Variants in NUFIP1 observed in about 807,000 individuals in gnomAD.
NUFIP1 encodes FMR1-interacting protein NUFIP1.
Under a neutral mutation model 56.2 loss-of-function variants are expected in NUFIP1, and 38 were observed. The ratio of observed to expected loss-of-function variants is 0.68; its 90% CI spans 0.52 to 0.89. The LOEUF is 0.89. NUFIP1 is among the 40% of genes least tolerant of loss of function. The pLI is 0.00. For synonymous variants in NUFIP1, 215 were observed against 212.4 expected (o/e 1.01, Z -0.10); for missense variants, 567 against 605.8 (o/e 0.94, Z 0.67).
At chr13:44,959,650 T>C in intron 6 of NUFIP1, 76 bp from the exon 7 acceptor site, 3 of 1,216,064 alleles carry the variant, frequency 2.5e-6, no homozygotes, top group Non-Finnish European at 3.5e-6. Flanking sequence ...GACTACTAGA[T>C]ACAAAAGAAA....
chr13:44,978,633 G>A (rs1371340332), intron 5 of NUFIP1, among the ~76,000 whole-genome samples: 2 of 152,092 alleles, frequency 1.3e-5, no homozygotes, highest in African/African-American at 4.8e-5. Flanking sequence ...TCATAGGAAT[G>A]AATTCCTGAT....
intron 9 of NUFIP1, among the ~76,000 whole-genome samples, chr13:44,942,323 G>A (rs1426448760): frequency 6.6e-6 from 1 of 152,106 alleles, no homozygotes; most frequent in East Asian, 1.9e-4. Context: ...TTGCCAAAAA[G>A]GAATTTATTT....
intron 3 of NUFIP1, 132 bp downstream of exon 3, chr13:44,980,590 G>A (rs1429588929): frequency 2.9e-6 from 2 of 679,870 alleles, no homozygotes; most frequent in Non-Finnish European, 4.9e-6. Flanking sequence ...GCCCCTATCT[G>A]TCAAGTTGTC....
intron 4 of NUFIP1, 63 bp from the exon 5 acceptor site, chr13:44,979,329 G>A (rs1407646636): frequency 7.4e-7 from 1 of 1,344,042 alleles, no homozygotes; most frequent in East Asian, 2.3e-5. Flanking sequence ...CTAACTTGGA[G>A]ACTTTGTTTC....
At chr13:44,977,943 G>T (rs144541429) in intron 5 of NUFIP1, among the ~76,000 whole-genome samples, 78 of 152,228 alleles carry the variant, frequency 5.1e-4, no homozygotes, top group Middle Eastern at 3.4e-3. Context: ...CAGCTACTTG[G>T]GAGACTGAGG....
chr13:44,986,027 C>T (rs935282639), intron 1 of NUFIP1, among the ~76,000 whole-genome samples: 5 of 152,206 alleles, frequency 3.3e-5, no homozygotes, highest in African/African-American at 9.6e-5. Context: ...GCAGTCATAG[C>T]TCATTGCAGC....
At chr13:44,948,810 C>T (rs978328599) in intron 8 of NUFIP1, among the ~76,000 whole-genome samples, 7 of 152,122 alleles carry the variant, frequency 4.6e-5, no homozygotes, top group African/African-American at 1.2e-4. Flanking sequence ...CGTTACCATC[C>T]GTAACATCAT....
chr13:44,965,566 C>T (rs1460239499), intron 6 of NUFIP1, among the ~76,000 whole-genome samples: 4 of 152,028 alleles, frequency 2.6e-5, no homozygotes, highest in East Asian at 1.9e-4. Flanking sequence ...TGGTGGCGCA[C>T]GCCTGTAGTC....
chr13:44,976,750 T>C (rs143752282), intron 5 of NUFIP1, among the ~76,000 whole-genome samples: 38 of 152,316 alleles, frequency 2.5e-4, no homozygotes, highest in African/African-American at 8.9e-4. Flanking sequence ...AAAAGAAGTT[T>C]ATTTCTTACA....
intron 2 of NUFIP1, among the ~76,000 whole-genome samples, 195 bp downstream of exon 2, chr13:44,981,877 A>G (rs942973011): frequency 6.8e-6 from 1 of 147,952 alleles, no homozygotes; most frequent in African/African-American, 2.4e-5. Context: ...GAAAAGAAAC[A>G]AAAATTTAGT....
intron 5 of NUFIP1, among the ~76,000 whole-genome samples, chr13:44,971,782 T>C (rs1042314344): frequency 6.6e-6 from 1 of 152,224 alleles, no homozygotes; most frequent in Non-Finnish European, 1.5e-5. Flanking sequence ...TTCTGCCTAT[T>C]CTGTGGCTTA....
intron 4 of NUFIP1, 41 bp downstream of exon 4, chr13:44,979,849 A>C: frequency 7.2e-7 from 1 of 1,391,306 alleles, no homozygotes; most frequent in Non-Finnish European, 1.0e-6. Flanking sequence ...ATCAATAAAA[A>C]GAGCATGTAT....
rs372268980 is a variant in NUFIP1, at chr13:44,989,418, C to G, written c.19G>C (p.Asp7His). 4.2e-5 allele frequency: 68 copies of G among 1,613,386 alleles called. No individual in the cohort carries two copies. In the African/African-American group the frequency reaches 8.1e-4, roughly 19 times the overall value. MAEPTS[D>H]FETPIGWHAS... is the part of the protein sequence containing the mutation. The stretch of plus-strand genomic sequence containing the variant: ...TGCCACCCGATAGGAGTCTCGAAAT[C>G]ACTAGTCGGCTCAGCCATACCACTG... The change falls in exon 1 of 10, where the codon GAT becomes CAT. Residue 7 changes from aspartate (D) to histidine (H), a missense_variant. Transcript: ENST00000379161.
At position 44,989,292 on chromosome 13, in the gene NUFIP1, G is replaced by C; in HGVS notation, c.145C>G (p.Pro49Ala). Residue 49 changes from proline (P) to alanine (A), a missense_variant, in exon 1 of 10, where the codon CCA becomes GCA. Physicochemically the swap from Pro to Ala is conservative, Grantham distance 27. Transcript: ENST00000379161. Reference protein sequence around the residue: ...FWAMLPPPPPPLTSSLPAAGS... With the variant: ...FWAMLPPPPPALTSSLPAAGS... Reference sequence around the variant, plus strand: ...GCTGCGGGAAGCGAGGACGTAAGTGGTGGTGGCGGTGGCGGCAGCATTGCC... The same window carrying C: ...GCTGCGGGAAGCGAGGACGTAAGTGCTGGTGGCGGTGGCGGCAGCATTGCC... 1 of 1,613,576 alleles carries C rather than the reference G, an allele frequency of 6.2e-7. No homozygotes were observed. The highest frequency in any genetic ancestry group is 8.5e-7 in the Non-Finnish European group (1 of 1,179,890).
chr13:44,980,906 AC>A (rs1199677896), intron 2 of NUFIP1, 86 bp from the exon 3 acceptor site: 2 of 776,892 alleles, frequency 2.6e-6, no homozygotes, highest in Non-Finnish European at 4.2e-6. Flanking sequence ...CTAGTAATAC[AC>A]ACTTTGATGT....
At chr13:44,952,489 T>C (rs1871115263) in intron 7 of NUFIP1, among the ~76,000 whole-genome samples, 1 of 152,202 alleles carries the variant, frequency 6.6e-6, no homozygotes, top group Non-Finnish European at 1.5e-5. Flanking sequence ...CAAAGGGAAA[T>C]TGACTCTGGA....
chr13:44,959,319 T>C, intron 7 of NUFIP1, 62 bp downstream of exon 7: 1 of 1,440,820 alleles, frequency 6.9e-7, no homozygotes. Context: ...AGGCTGTGAA[T>C]AATCAACTTC....
intron 7 of NUFIP1, among the ~76,000 whole-genome samples, chr13:44,957,069 T>C (rs1198233509): frequency 6.6e-6 from 1 of 152,092 alleles, no homozygotes; most frequent in Non-Finnish European, 1.5e-5. Flanking sequence ...AATTATAAAT[T>C]TGTAGTCTAT....
Position 44,989,239 on chromosome 13 carries a change from C to T in NUFIP1, c.198G>A (p.Gln66=). ...AAGSKPSSES[Q]PPMEAQSLPG... ...GGAGAGACTGGGCCTCCATGGGGGG[C>T]TGCGACTCAGAGGAAGGCTTTGACC... Residue 66 remains glutamine, a synonymous_variant, in exon 1 of 10, where the codon CAG becomes CAA. Coordinates refer to ENST00000379161, the MANE Select transcript of NUFIP1 (RefSeq NM_012345.3). The T allele has an allele frequency of 6.2e-7, 1 of 1,612,586 alleles. No individual in the cohort carries two copies. Among genetic ancestry groups the T allele is most frequent in the South Asian group, 1.1e-5 (1 of 90,876 alleles).
Sources: gnomAD v4.1 joint callset for allele counts (sites outside exome capture counted in the v4.1 genomes callset) on GRCh38, gnomAD v4.1.1 for gene constraint, MANE v1.5 for transcripts, NCBI Gene and HGNC (gene_info 2026-07-23, HGNC 2026-07-21) for gene names.